CEP152: variants seen among roughly 807,000 people sequenced by gnomAD.
The protein encoded by CEP152 is centrosomal protein 152, also known as centrosomal protein of 152 kDa.
In CEP152, 132 loss-of-function variants were observed where a neutral mutation model predicts 188.9. That is an observed-to-expected ratio of 0.70 (90% CI 0.61 to 0.81). CEP152 has a LOEUF of 0.81. Among genes scored for constraint, CEP152 ranks in the 30% least tolerant of loss-of-function variants. The pLI is 0.00. For synonymous variants in CEP152, 649 were observed against 666.6 expected (o/e 0.97, Z 0.41); for missense variants, 1,914 against 1,969.8 (o/e 0.97, Z 0.54).
rs1567022565 is a variant in CEP152, at chr15:48,791,343, T to C, written c.866A>G (p.Glu289Gly). The C allele has an allele frequency of 6.2e-7, 1 of 1,612,742 alleles. No homozygotes were observed. The part of the protein sequence containing the change: ...EKDGLTLSLR[E>G]SQKLFQNGKE... ...TCCATTCTGAAAGAGTTTCTGTGAT[T>C]CTCGAAGGCTGAGAGTCAAACCATC... The change falls in exon 8 of 27, where the codon GAA becomes GGA. Residue 289 changes from glutamate to glycine, a missense_variant. Physicochemically the swap from Glu to Gly is moderately conservative, Grantham distance 98. Transcript: ENST00000380950.
intron 17 of CEP152, among the ~76,000 whole-genome samples, chr15:48,764,216 C>T (rs977390229): frequency 3.9e-5 from 6 of 152,180 alleles, no homozygotes; most frequent in African/African-American, 1.2e-4. Context: ...ACACCTCTTG[C>T]TCTTCCTTAT....
At chr15:48,755,669 A>G (rs1894204004) in intron 20 of CEP152, among the ~76,000 whole-genome samples, 1 of 152,180 alleles carries the variant, frequency 6.6e-6, no homozygotes. Flanking sequence ...TAGGAAAAAG[A>G]TATTTAGAGG....
At chr15:48,735,762 C>T (rs1215919860), downstream of CEP152, among the ~76,000 whole-genome samples, 1 of 151,532 alleles carries the variant, frequency 6.6e-6, no homozygotes, top group African/African-American at 2.4e-5. Flanking sequence ...AAAAAAAGAA[C>T]AAAGAACAGT....
intron 18 of CEP152, 61 bp downstream of exon 18, chr15:48,762,330 T>C (rs1233779817): frequency 7.0e-7 from 1 of 1,425,068 alleles, no homozygotes. Flanking sequence ...TAGCATTGTA[T>C]GGGTTTTCAT....
At chr15:48,748,707 C>T (rs1285774221) in intron 21 of CEP152, 97 bp from the exon 22 acceptor site, 1 of 1,266,470 alleles carries the variant, frequency 7.9e-7, no homozygotes, top group Non-Finnish European at 1.0e-6. Flanking sequence ...GCAGATGACT[C>T]ATGACTAAAG....
intron 8 of CEP152, among the ~76,000 whole-genome samples, chr15:48,789,652 G>A (rs1896885386): frequency 1.3e-5 from 2 of 152,212 alleles, no homozygotes; most frequent in Non-Finnish European, 2.9e-5. Context: ...TGTAACCACA[G>A]GGTCCATAAA....
chr15:48,786,348 T>C (rs987902673), intron 9 of CEP152, among the ~76,000 whole-genome samples: 1 of 147,762 alleles, frequency 6.8e-6, no homozygotes, highest in African/African-American at 2.5e-5. Flanking sequence ...TCTTTCACCT[T>C]TTCTGTCTCA....
Position 48,738,703 on chromosome 15 carries a change from G to T in CEP152, c.4679C>A (p.Pro1560His). Reference protein sequence around the residue: ...EKSQGLDVQEPPVKDGGDLSD... With the variant: ...EKSQGLDVQEHPVKDGGDLSD... ...AAGGTCCCCTCCATCTTTTACTGGA[G>T]GTTCCTGAACATCCAAACCTTGACT... Residue 1560 changes from proline to histidine, a missense_variant, in exon 27 of 27, where the codon CCT (proline) becomes CAT (histidine). Pro to His is a moderately conservative substitution (Grantham distance 77). Transcript: ENST00000380950. The T allele has an allele frequency of 6.2e-7, 1 of 1,614,172 alleles. No homozygotes were observed. Among genetic ancestry groups the T allele is most frequent in the Non-Finnish European group, 8.5e-7 (1 of 1,180,020 alleles).
intron 14 of CEP152, 84 bp from the exon 15 acceptor site, chr15:48,768,412 T>G: frequency 1.3e-6 from 1 of 765,058 alleles, no homozygotes; most frequent in Non-Finnish European, 2.2e-6. Context: ...TTTAATATTT[T>G]CTATGCTTTC....
chr15:48,732,967 T>C (rs1892475405), downstream of CEP152, among the ~76,000 whole-genome samples: 2 of 151,478 alleles, frequency 1.3e-5, no homozygotes, highest in South Asian at 4.2e-4. Context: ...GGCATACACC[T>C]GTAGTCCCAG....
intron 12 of CEP152, among the ~76,000 whole-genome samples, chr15:48,774,911 T>C (rs1208997929): frequency 6.6e-6 from 1 of 151,414 alleles, no homozygotes; most frequent in Non-Finnish European, 1.5e-5. Flanking sequence ...ATACTTGAAG[T>C]GAATGAAAAA....
At chr15:48,790,442 A>C (rs1298463681) in intron 8 of CEP152, among the ~76,000 whole-genome samples, 1 of 152,246 alleles carries the variant, frequency 6.6e-6, no homozygotes, top group East Asian at 1.9e-4. Flanking sequence ...AATTGTTTTT[A>C]GCTAAGACCT....
intron 2 of CEP152, among the ~76,000 whole-genome samples, chr15:48,800,068 C>T (rs1275808731): frequency 6.6e-6 from 1 of 152,006 alleles, no homozygotes; most frequent in Non-Finnish European, 1.5e-5. Context: ...TTTCCCCGCA[C>T]AAAAACAAAA....
chr15:48,792,009 T>C (rs904038792), intron 7 of CEP152, among the ~76,000 whole-genome samples: 1 of 152,202 alleles, frequency 6.6e-6, no homozygotes, highest in African/African-American at 2.4e-5. Context: ...AACTCTTTTT[T>C]TTGAAACGGA....
At chr15:48,786,655 C>G (rs773475915) in intron 9 of CEP152, among the ~76,000 whole-genome samples, 1 of 151,908 alleles carries the variant, frequency 6.6e-6, no homozygotes, top group Non-Finnish European at 1.5e-5. Flanking sequence ...ATATGCAGAG[C>G]CTAACATCAG....
intron 17 of CEP152, among the ~76,000 whole-genome samples, chr15:48,763,380 G>T (rs1231113360): frequency 6.6e-6 from 1 of 152,126 alleles, no homozygotes; most frequent in East Asian, 1.9e-4. Context: ...GTAGATAAAA[G>T]AATCTAGTTG....
At chr15:48,773,245 C>G (rs929790082) in intron 12 of CEP152, 5 of 155,280 alleles carry the variant, frequency 3.2e-5, no homozygotes, top group African/African-American at 1.2e-4. Flanking sequence ...AATGAATTAA[C>G]AAGACTAACC....
Position 48,738,387 on chromosome 15 carries a change from A to T in CEP152, c.4995T>A (p.Asp1665Glu). ...NCGHPSRHKA[D>E]RLKSDFKKLS... ...GTTTTTTGAAATCTGACTTTAATCT[A>T]TCAGCCTTATGACGAGATGGGTGTC... The change falls in exon 27 of 27, where the codon GAT (aspartate) becomes GAA (glutamate). Residue 1665 changes from aspartate to glutamate, a missense_variant. By Grantham distance (45) the Asp-to-Glu change is conservative (BLOSUM62 2). Coordinates refer to ENST00000380950, the MANE Select transcript of CEP152 (RefSeq NM_001194998.2). 1 of 1,614,176 alleles carries T rather than the reference A, an allele frequency of 6.2e-7. No homozygotes were observed. The highest frequency in any genetic ancestry group is 8.5e-7 in the Non-Finnish European group (1 of 1,180,004).
In CEP152 at chr15:48,738,644, T is replaced by C. The variant is rs200883218; in HGVS notation, c.4738A>G (p.Thr1580Ala). The C allele has an allele frequency of 3.5e-4, 570 of 1,614,158 alleles. 3 individuals are homozygous for C. The highest frequency in any genetic ancestry group is 1.8e-3 in the Middle Eastern group (11 of 6,062). ...DCLGWPSSSATLSFDSREASF... is the reference protein window; with the variant it reads ...DCLGWPSSSAALSFDSREASF... ...GCTTCACGACTGTCAAAGGATAAGG[T>C]TGCACTGCTGGAAGGCCAGCCCAAG... Residue 1580 changes from threonine to alanine, a missense_variant, in exon 27 of 27, where the codon ACC becomes GCC. Transcript: ENST00000380950.
Sources: allele counts gnomAD v4.1 joint callset (sites outside exome capture counted in the v4.1 genomes callset), GRCh38; gene constraint gnomAD v4.1.1; transcripts MANE v1.5; gene names NCBI Gene and HGNC (gene_info 2026-07-23, HGNC 2026-07-21).